INO80: variants seen among roughly 807,000 people sequenced by gnomAD.
INO80 encodes the protein chromatin-remodeling ATPase INO80.
A neutral mutation model predicts 203.4 loss-of-function variants in INO80; 20 were observed. The observed-to-expected ratio is 0.10, with a 90% confidence interval of 0.07 to 0.14. The LOEUF is 0.14. Among genes scored for constraint, INO80 ranks in the 10% least tolerant of loss-of-function variants. The pLI is 1.00. For synonymous variants in INO80, 726 were observed against 685.2 expected, an observed-to-expected ratio of 1.06 and a Z score of -0.93; for missense variants, 1,419 against 1,914.4, an observed-to-expected ratio of 0.74 and a Z score of 4.83.
chr15:41,082,983 C>T (rs1451960264), intron 7 of INO80, among the ~76,000 whole-genome samples: 2 of 151,912 alleles, frequency 1.3e-5, no homozygotes, highest in African/African-American at 2.4e-5. Context: ...ACTTTCCCAT[C>T]AAGAATGCTC....
chr15:40,993,450 C>G (rs2043840861), intron 29 of INO80, among the ~76,000 whole-genome samples: 2 of 152,100 alleles, frequency 1.3e-5, no homozygotes, highest in Non-Finnish European at 2.9e-5. Context: ...CATCTACAAC[C>G]TGATGATTTG....
At chr15:41,062,799 G>A (rs1317971779) in intron 14 of INO80, among the ~76,000 whole-genome samples, 3 of 152,100 alleles carry the variant, frequency 2.0e-5, no homozygotes, top group South Asian at 4.1e-4. Flanking sequence ...AGATGAGGAC[G>A]CCTCACTTTT....
rs527719419 is a variant in INO80, at chr15:40,981,928, C to A, written c.4453+934G>T. Among the ~76,000 whole-genome samples the A allele has an allele frequency of 2.0e-5, 3 of 152,288 alleles. No individual in the cohort carries two copies. In the South Asian group the frequency reaches 6.2e-4, roughly 32 times the overall value. Reference sequence around the variant, plus strand: ...CCACTGCCAGCTCTCTGTCACCAGTCCAAATCCTTCCTCATTCTTCTCCTC... The same window carrying A: ...CCACTGCCAGCTCTCTGTCACCAGTACAAATCCTTCCTCATTCTTCTCCTC... On this transcript the variant is annotated intron_variant, in intron 35 of 35. Transcript: ENST00000648947.
intron 14 of INO80, among the ~76,000 whole-genome samples, chr15:41,069,262 G>T (rs947977089): frequency 1.4e-5 from 2 of 143,488 alleles, no homozygotes; most frequent in Non-Finnish European, 3.0e-5. Flanking sequence ...GCCCTGCCCC[G>T]TTCAAGCGAT....
At chr15:41,022,005 A>AT (rs2044301516) in intron 25 of INO80, among the ~76,000 whole-genome samples, 1 of 152,230 alleles carries the variant, frequency 6.6e-6, no homozygotes, top group African/African-American at 2.4e-5. Flanking sequence ...GGAGGCTGTG[A>AT]TTATCTGTCA....
intron 29 of INO80, among the ~76,000 whole-genome samples, chr15:40,990,461 A>G (rs1261325564): frequency 6.6e-6 from 1 of 152,160 alleles, no homozygotes; most frequent in Non-Finnish European, 1.5e-5. Context: ...CCTGGGCTCA[A>G]GCAATCCTAC....
intron 4 of INO80, among the ~76,000 whole-genome samples, chr15:41,093,822 G>A (rs2045680460): frequency 2.0e-5 from 3 of 151,938 alleles, no homozygotes; most frequent in South Asian, 2.1e-4. Context: ...TCCAGCCAGG[G>A]TGAAAAAGTG....
intron 1 of INO80, among the ~76,000 whole-genome samples, chr15:41,113,591 T>G (rs1247758634): frequency 6.6e-6 from 1 of 152,006 alleles, no homozygotes; most frequent in Admixed American, 6.6e-5. Context: ...TAAGTGAACC[T>G]CTAACACCAC....
intron 1 of INO80, among the ~76,000 whole-genome samples, chr15:41,104,162 G>A (rs543225165): frequency 1.2e-4 from 18 of 144,126 alleles, no homozygotes; most frequent in South Asian, 4.3e-4. Flanking sequence ...CAGAGGTTGC[G>A]GTCACTGCAC....
intron 14 of INO80, among the ~76,000 whole-genome samples, chr15:41,068,617 G>A (rs546035098): frequency 1.7e-4 from 26 of 151,854 alleles, no homozygotes; most frequent in East Asian, 5.8e-4. Flanking sequence ...TTGCGTTTTC[G>A]GAGGCCCAGG....
At chr15:41,051,296 G>T (rs75363747) in intron 19 of INO80, among the ~76,000 whole-genome samples, 2,961 of 151,646 alleles carry the variant, frequency 0.02, 53 homozygotes, top group Non-Finnish European at 0.031. Context: ...TGCCCTTGTT[G>T]CCTAGCCCCC....
intron 28 of INO80, among the ~76,000 whole-genome samples, chr15:41,003,555 C>G (rs2043996136): frequency 6.6e-6 from 1 of 152,060 alleles, no homozygotes; most frequent in Admixed American, 6.5e-5. Flanking sequence ...GTCTCGAACT[C>G]CTGACCTCAG....
chr15:40,991,813 G>T (rs565207513), intron 29 of INO80, among the ~76,000 whole-genome samples: 1 of 151,412 alleles, frequency 6.6e-6, no homozygotes, highest in African/African-American at 2.4e-5. Context: ...TTGCTCTGTC[G>T]CCCAGGCTGG....
chr15:41,064,890 G>A (rs549616049), intron 14 of INO80, among the ~76,000 whole-genome samples: 6 of 152,108 alleles, frequency 3.9e-5, no homozygotes, highest in Non-Finnish European at 7.4e-5. Flanking sequence ...CCAGTTACAC[G>A]GGAGCTTGAG....
At position 41,008,366 on chromosome 15, in the gene INO80, G is replaced by A. The variant is rs187527983; in HGVS notation, c.3403-2679C>T. ...ATACTGCATGGTTCAACTTATATGT[G>A]CAAGCTTAAAAAGTTAAAACTCATA... On this transcript the variant is annotated intron_variant, in intron 27 of 35. Transcript: ENST00000648947. Among the ~76,000 whole-genome samples, 7 of 152,232 alleles carry A rather than the reference G, an allele frequency of 4.6e-5. No homozygotes were observed. The East Asian group carries it at 1.2e-3, about 25-fold the overall frequency.
At chr15:41,032,124 C>T (rs1226556111) in intron 24 of INO80, among the ~76,000 whole-genome samples, 1 of 151,116 alleles carries the variant, frequency 6.6e-6, no homozygotes, top group Non-Finnish European at 1.5e-5. Flanking sequence ...ACAGAAAACA[C>T]ACCGATGTTT....
chr15:41,003,951 G>A lies in INO80; in HGVS notation c.3497+1642C>T, dbSNP rs147330715. On this transcript the variant is annotated intron_variant, in intron 28 of 35. Coordinates refer to ENST00000648947, the MANE Select transcript of INO80 (RefSeq NM_017553.3). The stretch of plus-strand genomic sequence containing the variant: ...AGCTCGCACATAAGATTCTTGTCAA[G>A]TTGCAGCTCTGAGGCTGGAGTAGGT... Among the ~76,000 whole-genome samples, 101 of 152,294 alleles carry A rather than the reference G, an allele frequency of 6.6e-4. 2 individuals are homozygous for A. The highest frequency in any genetic ancestry group is 2.4e-3 in the African/African-American group (99 of 41,582).
rs763981594 is a variant in INO80, at chr15:41,085,369, C to T, written c.873G>A (p.Lys291=). 8 of 1,613,708 alleles carry T rather than the reference C, an allele frequency of 5.0e-6. No homozygotes were observed. The highest frequency in any genetic ancestry group is 8.5e-7 in the Non-Finnish European group (1 of 1,179,800). Residue 291 remains lysine, a splice_region_variant and synonymous_variant, in exon 7 of 36, where the codon AAG becomes AAA. Transcript: ENST00000648947. ...WLSIVKKELP[K]ANKQKASARN... ...CCATCTCCTGGAGGCATTCACTTAC[C>T]TTTGGTAGTTCCTTTTTCACAATGC...
At chr15:41,001,948 T>C (rs1292033018) in intron 28 of INO80, among the ~76,000 whole-genome samples, 1 of 152,172 alleles carries the variant, frequency 6.6e-6, no homozygotes, top group African/African-American at 2.4e-5. Flanking sequence ...TATCAGGCGA[T>C]TGCAGTCACT....
Sources: allele counts gnomAD v4.1 joint callset (sites outside exome capture counted in the v4.1 genomes callset), GRCh38; gene constraint gnomAD v4.1.1; transcripts MANE v1.5; gene names NCBI Gene and HGNC (gene_info 2026-07-23, HGNC 2026-07-21).